Variants in DNMT3A observed in about 807,000 individuals in gnomAD.
DNMT3A encodes DNA (cytosine-5)-methyltransferase 3A.
A neutral mutation model predicts 117.6 loss-of-function variants in DNMT3A; 267 were observed. That is an observed-to-expected ratio of 2.27 (90% CI 2.05 to 2.51). The LOEUF (loss-of-function observed/expected upper bound fraction) is 2.51, where lower values mean the gene tolerates loss of function less well. DNMT3A is among the 30% of genes most tolerant of loss of function. The pLI, the probability that DNMT3A is intolerant of heterozygous loss-of-function variation, is 0.00. For synonymous variants in DNMT3A, 432 were observed against 474.8 expected (o/e 0.91, Z 1.17); for missense variants, 1,029 against 1,260.2 (o/e 0.82, Z 2.78).
At chr2:25,261,083 C>A (rs1286451335) in intron 6 of DNMT3A, among the ~76,000 whole-genome samples, 2 of 152,094 alleles carry the variant, frequency 1.3e-5, no homozygotes, top group Non-Finnish European at 2.9e-5. Flanking sequence ...CACTTGAGGT[C>A]AGGAGTTCGA....
At chr2:25,251,190 A>C (rs1675508277) in intron 6 of DNMT3A, among the ~76,000 whole-genome samples, 1 of 145,450 alleles carries the variant, frequency 6.9e-6, no homozygotes, top group Non-Finnish European at 1.5e-5. Context: ...GGGCCTGACG[A>C]AAGGGGAAGG....
At chr2:25,264,561 G>A (rs1379559843) in intron 6 of DNMT3A, among the ~76,000 whole-genome samples, 4 of 151,634 alleles carry the variant, frequency 2.6e-5, no homozygotes, top group African/African-American at 9.7e-5. Flanking sequence ...TCCGCCTCCC[G>A]GGTTCACGCC....
chr2:25,260,633 G>A (rs539118920), intron 6 of DNMT3A, among the ~76,000 whole-genome samples: 1 of 152,282 alleles, frequency 6.6e-6, no homozygotes, highest in Non-Finnish European at 1.5e-5. Flanking sequence ...ACGGGGAAGA[G>A]CTGTCGCATC....
At position 25,228,854 on chromosome 2, in the gene DNMT3A, C is replaced by T. The variant is rs886542631; in HGVS notation, c.*5425G>A. On this transcript the variant is annotated 3_prime_UTR_variant, in exon 23 of 23. Coordinates refer to ENST00000321117, the MANE Select transcript of DNMT3A (RefSeq NM_022552.5). ...CTAGGGGATGCTTTAGACCGCTGCT[C>T]ATGTTCTCAGGCACAGGGTTGGAGG... 6.6e-6 allele frequency: 1 copy of T among 152,236 alleles called. No homozygotes were observed. Among genetic ancestry groups the T allele is most frequent in the Admixed American group, 6.5e-5 (1 of 15,284 alleles). 9.4% of individuals were successfully genotyped at this position (152,236 alleles called of 1,614,324 possible).
chr2:25,236,345 G>A lies in DNMT3A; in HGVS notation c.2479-520C>T, dbSNP rs568284668. Among the ~76,000 whole-genome samples the A allele has an allele frequency of 6.6e-6, 1 of 152,296 alleles. No individual in the cohort carries two copies. The highest frequency in any genetic ancestry group is 2.1e-4 in the South Asian group (1 of 4,832). On this transcript the variant is annotated intron_variant, in intron 21 of 22. Transcript: ENST00000321117. The surrounding 1 kb of genome is among the most constrained non-coding windows in gnomAD (Gnocchi z 4.5). ...CTCCCAAAGTATTGGGATTATAGGCGTGAGCCACCGCACCCGGCCTAGCCA... is the reference window on the plus strand; with the variant it reads ...CTCCCAAAGTATTGGGATTATAGGCATGAGCCACCGCACCCGGCCTAGCCA...
chr2:25,283,012 C>T (rs945692667), intron 3 of DNMT3A, among the ~76,000 whole-genome samples: 2 of 152,120 alleles, frequency 1.3e-5, no homozygotes, highest in African/African-American at 4.8e-5. Flanking sequence ...CCCATCCCAC[C>T]GCCACTCACT....
chr2:25,260,170 G>A (rs1468056656), intron 6 of DNMT3A, among the ~76,000 whole-genome samples: 1 of 152,230 alleles, frequency 6.6e-6, no homozygotes, highest in Non-Finnish European at 1.5e-5. Context: ...CGCCAATGCA[G>A]GCGATACAAT....
At chr2:25,278,844 AT>A (rs559938601) in intron 4 of DNMT3A, among the ~76,000 whole-genome samples, 58 of 151,908 alleles carry the variant, frequency 3.8e-4, no homozygotes, top group South Asian at 1.5e-3. Context: ...AAAAAAAAAA[AT>A]CTTCCTCCCG....
intron 2 of DNMT3A, among the ~76,000 whole-genome samples, chr2:25,310,474 G>A (rs1224872757): frequency 6.6e-6 from 1 of 152,032 alleles, no homozygotes; most frequent in African/African-American, 2.4e-5. Context: ...ATGGATGGCG[G>A]GTAGGGCAGG....
intron 6 of DNMT3A, among the ~76,000 whole-genome samples, chr2:25,270,189 G>GCT (rs1293705486): frequency 6.6e-6 from 1 of 152,200 alleles, no homozygotes; most frequent in East Asian, 1.9e-4. Flanking sequence ...TGCCTCGAGA[G>GCT]GTATGTGCCT....
chr2:25,323,270 C>CAG (rs2034666544), intron 1 of DNMT3A, among the ~76,000 whole-genome samples: 1 of 152,166 alleles, frequency 6.6e-6, no homozygotes, highest in Admixed American at 6.5e-5. Flanking sequence ...GAGATGAAGA[C>CAG]AGAGGGATAA....
chr2:25,242,047 A>C, intron 16 of DNMT3A: 1 of 307,600 alleles, frequency 3.3e-6, no homozygotes. Flanking sequence ...TGGTCCTTCC[A>C]TACCCTCTTA....
At chr2:25,260,111 G>A (rs891235465) in intron 6 of DNMT3A, among the ~76,000 whole-genome samples, 6 of 152,304 alleles carry the variant, frequency 3.9e-5, no homozygotes, top group East Asian at 3.9e-4. Context: ...AATTCCCAAC[G>A]TGATTAACCT....
In DNMT3A at chr2:25,233,259, T is replaced by C. The variant is rs1021048431; in HGVS notation, c.*1020A>G. ...TGGCAGGGAGAACCTGGCTCCCAAG[T>C]TCTCCTCCTTCACTTCGTTACAAAC... is the stretch of plus-strand genomic sequence containing the variant. On this transcript the variant is annotated 3_prime_UTR_variant, in exon 23 of 23. Transcript: ENST00000321117. 2.6e-5 allele frequency: 6 copies of C among 233,760 alleles called. No individual in the cohort carries two copies. The highest frequency in any genetic ancestry group is 1.3e-3 in the Middle Eastern group (1 of 786). 14.5% of individuals were successfully genotyped at this position (233,760 alleles called of 1,614,324 possible).
At chr2:25,238,294 C>A (rs1224374543) in intron 20 of DNMT3A, among the ~76,000 whole-genome samples, 3 of 152,190 alleles carry the variant, frequency 2.0e-5, no homozygotes, top group Non-Finnish European at 2.9e-5. Flanking sequence ...CTCTACCAAA[C>A]ATGTATGAGA....
chr2:25,341,994 C>T (rs2035481942), upstream of DNMT3A: 1 of 947,056 alleles, frequency 1.1e-6, no homozygotes, highest in African/African-American at 1.8e-5. Context: ...CGCTGTCGCG[C>T]TCCCTCTCTC....
chr2:25,240,257 T>C (rs772978185), intron 19 of DNMT3A, 45 bp downstream of exon 19: 198 of 1,612,690 alleles, frequency 1.2e-4, no homozygotes, highest in Middle Eastern at 1.6e-4. Flanking sequence ...CAGTCCAAGG[T>C]AGAAGCCATT....
At chr2:25,278,001 T>TCACACACACACACACACA (rs71397475) in intron 4 of DNMT3A, among the ~76,000 whole-genome samples, 16 of 90,552 alleles carry the variant, frequency 1.8e-4, no homozygotes, top group East Asian at 3.7e-4. Context: ...ACTTGAGTGA[T>TCACACACACACACACACA]CACACACACA....
chr2:25,252,241 C>T lies in DNMT3A; in HGVS notation c.640-3989G>A, dbSNP rs1675662374. On this transcript the variant is annotated intron_variant, in intron 6 of 22. Coordinates refer to ENST00000321117, the MANE Select transcript of DNMT3A (RefSeq NM_022552.5). The surrounding 1 kb of genome is among the most constrained non-coding windows in gnomAD (Gnocchi z 5.5). Reference sequence around the variant, plus strand: ...TCTGCAGTCGCGCTCAGGTGTGAGCCGCGGCCCTGAAGCTCTGGAAGTAGC... The same window carrying T: ...TCTGCAGTCGCGCTCAGGTGTGAGCTGCGGCCCTGAAGCTCTGGAAGTAGC... 1.4e-6 allele frequency: 2 copies of T among 1,470,270 alleles called. No homozygotes were observed. Among genetic ancestry groups the T allele is most frequent in the Non-Finnish European group, 1.8e-6 (2 of 1,101,108 alleles). The allele number at this position is 1,470,270 out of a possible 1,614,324, so 91.1% of individuals were successfully genotyped here.
Sources: allele counts gnomAD v4.1 joint callset (sites outside exome capture counted in the v4.1 genomes callset), GRCh38; gene constraint gnomAD v4.1.1; non-coding constraint Gnocchi (gnomAD v3.1); transcripts MANE v1.5; gene names NCBI Gene and HGNC (gene_info 2026-07-23, HGNC 2026-07-21).